The following ARHGAP21 variants were observed in gnomAD, a reference collection of about 807,000 sequenced individuals.
The protein encoded by ARHGAP21 is Rho GTPase activating protein 21, also known as rho GTPase-activating protein 21.
Under a neutral mutation model 164.6 loss-of-function variants are expected in ARHGAP21, and 38 were observed. The observed-to-expected ratio is 0.23, with a 90% confidence interval of 0.18 to 0.30. The LOEUF (loss-of-function observed/expected upper bound fraction) is 0.30, where lower values mean the gene tolerates loss of function less well. ARHGAP21 is among the 10% of genes least tolerant of loss of function. The pLI, the probability that ARHGAP21 is intolerant of heterozygous loss-of-function variation, is 1.00. For synonymous variants in ARHGAP21, 766 were observed against 857.9 expected, an observed-to-expected ratio of 0.89 and a Z score of 1.87; for missense variants, 1,822 against 2,370.7, an observed-to-expected ratio of 0.77 and a Z score of 4.81.
intron 4 of ARHGAP21, among the ~76,000 whole-genome samples, chr10:24,651,654 T>C (rs1257268049): frequency 1.3e-5 from 2 of 152,224 alleles, no homozygotes; most frequent in Non-Finnish European, 2.9e-5. Context: ...AGTCCAGTAA[T>C]GCAGGGCTGG....
At chr10:24,683,350 A>G (rs1052675737) in intron 2 of ARHGAP21, among the ~76,000 whole-genome samples, 5 of 152,110 alleles carry the variant, frequency 3.3e-5, no homozygotes, top group Non-Finnish European at 7.4e-5. Flanking sequence ...GTATGGTTTC[A>G]TGTATGGATT....
intron 2 of ARHGAP21, among the ~76,000 whole-genome samples, chr10:24,681,481 A>C (rs1841746902): frequency 6.6e-6 from 1 of 152,206 alleles, no homozygotes; most frequent in Admixed American, 6.5e-5. Context: ...AATTATTTGC[A>C]CTTTAAGTAG....
At chr10:24,661,354 T>C (rs1281394198) in intron 4 of ARHGAP21, among the ~76,000 whole-genome samples, 2 of 151,774 alleles carry the variant, frequency 1.3e-5, no homozygotes, top group Non-Finnish European at 2.9e-5. Context: ...AGTGCATACA[T>C]AAAGGATATG....
At chr10:24,637,858 T>G (rs571257864) in intron 4 of ARHGAP21, among the ~76,000 whole-genome samples, 1 of 151,502 alleles carries the variant, frequency 6.6e-6, no homozygotes, top group South Asian at 2.1e-4. Flanking sequence ...CTTTTAATTC[T>G]TGCTCACATT....
rs759599103 is a variant in ARHGAP21, at chr10:24,584,667, C to T, written c.5622G>A (p.Gln1874=). Residue 1874 remains glutamine, a synonymous_variant, in exon 26 of 26, where the codon CAG becomes CAA. Coordinates refer to ENST00000396432, the MANE Select transcript of ARHGAP21 (RefSeq NM_020824.4). ...DLSRGEIGDP[Q]TENPSTREIA... ...TTTCTCGTGTGCTTGGGTTCTCTGT[C>T]TGGGGATCTCCGATTTCTCCTCTGC... 6.2e-6 allele frequency: 10 copies of T among 1,613,926 alleles called. No individual in the cohort carries two copies. The highest frequency in any genetic ancestry group is 8.5e-6 in the Non-Finnish European group (10 of 1,179,862).
In ARHGAP21 at chr10:24,706,910, A is replaced by G. The variant is rs932847232; in HGVS notation, c.63+14927T>C. Among the ~76,000 whole-genome samples the G allele has an allele frequency of 2.6e-5, 4 of 152,352 alleles. 1 individual carries two copies. The East Asian group carries it at 7.7e-4, about 29-fold the overall frequency. ...ATCTTTAGTCATTCAATGAAAACAC[A>G]ACCTGGGGAGGTGGTATATAAATCA... On this transcript the variant is annotated intron_variant, in intron 2 of 25. Coordinates refer to ENST00000396432, the MANE Select transcript of ARHGAP21 (RefSeq NM_020824.4).
At position 24,635,532 on chromosome 10, in the gene ARHGAP21, T is replaced by TTTTTG. The variant is rs533850946; in HGVS notation, c.269-434_269-430dup. 7.8e-3 allele frequency among the ~76,000 whole-genome samples: 1,187 copies of TTTTTG among 152,148 alleles called. 7 individuals are homozygous for TTTTTG. The highest frequency in any genetic ancestry group is 0.012 in the African/African-American group (489 of 41,522). On this transcript the variant is annotated intron_variant, in intron 4 of 25. Coordinates refer to ENST00000396432, the MANE Select transcript of ARHGAP21 (RefSeq NM_020824.4). The stretch of plus-strand genomic sequence containing the variant: ...GCGGTACTCACTCCATGGCTTTTGT[T>TTTTTG]TTTTGTTTTGTTTTGTTTTGTTTTG...
chr10:24,690,654 C>T (rs1593300292), intron 2 of ARHGAP21, among the ~76,000 whole-genome samples: 1 of 151,906 alleles, frequency 6.6e-6, no homozygotes. Flanking sequence ...CATGGTGAAA[C>T]CCTGTCTCTA....
intron 4 of ARHGAP21, 58 bp downstream of exon 4, chr10:24,666,927 A>T (rs922461438): frequency 1.4e-5 from 17 of 1,251,366 alleles, no homozygotes; most frequent in Non-Finnish European, 3.4e-6. Context: ...TCACTTAAAG[A>T]ACAGAAAGAA....
intron 2 of ARHGAP21, among the ~76,000 whole-genome samples, chr10:24,688,673 G>A (rs1015334986): frequency 5.3e-5 from 8 of 152,134 alleles, no homozygotes; most frequent in African/African-American, 1.4e-4. Flanking sequence ...CATATCAGAC[G>A]TGAATCACCC....
chr10:24,596,108 G>A, intron 17 of ARHGAP21, 65 bp from the exon 18 acceptor site: 1 of 1,336,824 alleles, frequency 7.5e-7, no homozygotes, highest in Non-Finnish European at 1.0e-6. Flanking sequence ...GTATATCACA[G>A]CTAAAATGCC....
intron 9 of ARHGAP21, among the ~76,000 whole-genome samples, chr10:24,609,003 CAT>C (rs2077146844): frequency 6.6e-6 from 1 of 152,128 alleles, no homozygotes; most frequent in African/African-American, 2.4e-5. Flanking sequence ...TTAAATTGCA[CAT>C]GTTTAACAAA....
intron 25 of ARHGAP21, among the ~76,000 whole-genome samples, chr10:24,588,997 T>C (rs73606514): frequency 0.036 from 5,554 of 152,230 alleles, 314 homozygotes; most frequent in African/African-American, 0.12. Flanking sequence ...CTTCTGTATA[T>C]GTTAGGACCT....
chr10:24,628,884 C>T (rs1472657196), intron 7 of ARHGAP21: 2 of 107,836 alleles, frequency 1.9e-5, no homozygotes, highest in African/African-American at 3.7e-5. Context: ...CATATATACA[C>T]ATATATATAC....
chr10:24,654,520 T>C (rs1838581638), intron 4 of ARHGAP21, among the ~76,000 whole-genome samples: 1 of 152,164 alleles, frequency 6.6e-6, no homozygotes, highest in Non-Finnish European at 1.5e-5. Flanking sequence ...CCATTCACAA[T>C]TGTTTCAAAG....
chr10:24,672,952 T>C (rs1420284263), intron 2 of ARHGAP21, among the ~76,000 whole-genome samples: 1 of 152,180 alleles, frequency 6.6e-6, no homozygotes, highest in Non-Finnish European at 1.5e-5. Flanking sequence ...TAAAATACCA[T>C]TTATAATTAC....
intron 4 of ARHGAP21, among the ~76,000 whole-genome samples, chr10:24,655,180 T>G (rs1320265088): frequency 6.6e-6 from 1 of 152,198 alleles, no homozygotes; most frequent in Admixed American, 6.5e-5. Flanking sequence ...GAAGAAAACC[T>G]AGGCAATACC....
intron 9 of ARHGAP21, 63 bp from the exon 10 acceptor site, chr10:24,607,966 G>A: frequency 6.9e-7 from 1 of 1,454,542 alleles, no homozygotes; most frequent in Non-Finnish European, 9.2e-7. Flanking sequence ...ATAAAACTCA[G>A]TCAATAATCA....
intron 7 of ARHGAP21, among the ~76,000 whole-genome samples, chr10:24,626,139 G>A (rs1835118312): frequency 6.6e-6 from 1 of 152,172 alleles, no homozygotes; most frequent in Non-Finnish European, 1.5e-5. Context: ...AATCTCCAGA[G>A]TTATAAAAAC....
Sources: allele counts gnomAD v4.1 joint callset (sites outside exome capture counted in the v4.1 genomes callset), GRCh38; gene constraint gnomAD v4.1.1; transcripts MANE v1.5; gene names NCBI Gene and HGNC (gene_info 2026-07-23, HGNC 2026-07-21).